Variants in SMAD3 observed in about 807,000 individuals in gnomAD.
SMAD3 encodes MAD homolog 3.
Under a neutral mutation model 51.8 loss-of-function variants are expected in SMAD3, and 12 were observed. The ratio of observed to expected loss-of-function variants is 0.23; its 90% CI spans 0.15 to 0.38. The LOEUF (loss-of-function observed/expected upper bound fraction) is 0.38. Among genes scored for constraint, SMAD3 ranks in the 10% least tolerant of loss-of-function variants. The pLI is 1.00. For synonymous variants in SMAD3, 238 were observed against 227.7 expected, an observed-to-expected ratio of 1.05 and a Z score of -0.41; for missense variants, 294 against 565.6, an observed-to-expected ratio of 0.52 and a Z score of 4.87.
At chr15:67,077,493 A>G (rs1960196243) in intron 1 of SMAD3, among the ~76,000 whole-genome samples, 2 of 152,194 alleles carry the variant, frequency 1.3e-5, no homozygotes, top group Admixed American at 1.3e-4. Flanking sequence ...TTTGCTGGAA[A>G]TCTTTATTAA....
intron 1 of SMAD3, among the ~76,000 whole-genome samples, chr15:67,129,156 T>A (rs1414535020): frequency 6.6e-6 from 1 of 152,218 alleles, no homozygotes; most frequent in African/African-American, 2.4e-5. Flanking sequence ...GGAAGTGATG[T>A]GCACTTAGCA....
chr15:67,067,513 A>G (rs1184614416), intron 1 of SMAD3, among the ~76,000 whole-genome samples: 1 of 152,130 alleles, frequency 6.6e-6, no homozygotes, highest in Admixed American at 6.5e-5. Context: ...AGCACCAGGG[A>G]CTGTCAGCCG....
intron 4 of SMAD3, among the ~76,000 whole-genome samples, chr15:67,168,359 A>C (rs981439021): frequency 3.3e-5 from 5 of 152,180 alleles, no homozygotes; most frequent in East Asian, 1.9e-4. Context: ...AAACACACCC[A>C]CCCGGCGGAG....
At chr15:67,141,954 A>T (rs931266071) in intron 1 of SMAD3, among the ~76,000 whole-genome samples, 1 of 152,112 alleles carries the variant, frequency 6.6e-6, no homozygotes, top group African/African-American at 2.4e-5. Flanking sequence ...GGTGTCATTC[A>T]TGTTTTCCAT....
chr15:67,069,034 C>T (rs1001458297), intron 1 of SMAD3, among the ~76,000 whole-genome samples: 1 of 152,134 alleles, frequency 6.6e-6, no homozygotes, highest in Non-Finnish European at 1.5e-5. Context: ...GTTTAAGGAG[C>T]CCTCAGTCTA....
chr15:67,070,586 G>T (rs142240434), intron 1 of SMAD3, among the ~76,000 whole-genome samples: 4 of 151,744 alleles, frequency 2.6e-5, no homozygotes, highest in African/African-American at 9.7e-5. Flanking sequence ...TTACACATCA[G>T]TAAGGGAAAC....
chr15:67,166,614 G>T (rs935865006), intron 3 of SMAD3, 165 bp from the exon 4 acceptor site: 8 of 685,304 alleles, frequency 1.2e-5, no homozygotes, highest in Non-Finnish European at 1.9e-5. Context: ...GTGGACAGGG[G>T]CGAGGACAAC....
chr15:67,134,846 A>G lies in SMAD3; in HGVS notation c.207-30049A>G, dbSNP rs560371559. Among the ~76,000 whole-genome samples, 7 of 152,142 alleles carry G rather than the reference A, an allele frequency of 4.6e-5. No individual in the cohort carries two copies. In the East Asian group the frequency reaches 1.3e-3, roughly 29 times the overall value. On this transcript the variant is annotated intron_variant, in intron 1 of 8. Coordinates refer to ENST00000327367, the MANE Select transcript of SMAD3 (RefSeq NM_005902.4). ...CTTTATGTGTGCTGTTGCCCCTCAC[A>G]CTCACGGCAGAGGTGAGACAGAATG...
Position 67,192,104 on chromosome 15 carries a change from A to G in SMAD3, c.*1568A>G, listed in dbSNP as rs948465931. ...AGCAGGAAAAATCAAGGGATTTCCT[A>G]TGGAAGTCCTGCTTTATTCCAGGTG... On this transcript the variant is annotated 3_prime_UTR_variant, in exon 9 of 9. Coordinates refer to ENST00000327367, the MANE Select transcript of SMAD3 (RefSeq NM_005902.4). 8.6e-6 allele frequency: 2 copies of G among 232,434 alleles called. No individual in the cohort carries two copies. The highest frequency in any genetic ancestry group is 6.0e-5 in the East Asian group (1 of 16,540). 14.4% of individuals were successfully genotyped at this position (232,434 alleles called of 1,614,324 possible).
At chr15:67,155,647 A>G (rs1316649467) in intron 1 of SMAD3, among the ~76,000 whole-genome samples, 8 of 152,120 alleles carry the variant, frequency 5.3e-5, no homozygotes, top group Admixed American at 3.9e-4. Flanking sequence ...TTTTATTTTG[A>G]ACCAGAAAAA....
intron 1 of SMAD3, chr15:67,142,639 G>C: frequency 3.6e-6 from 1 of 279,092 alleles, no homozygotes; most frequent in South Asian, 3.0e-5. Flanking sequence ...TGGACATCTG[G>C]TTTGTTTTGG....
intron 8 of SMAD3, among the ~76,000 whole-genome samples, chr15:67,189,931 C>T (rs1053413949): frequency 7.9e-5 from 12 of 151,972 alleles, no homozygotes; most frequent in African/African-American, 2.4e-4. Context: ...ACACTGTTGG[C>T]GCTTTGTAAA....
intron 1 of SMAD3, among the ~76,000 whole-genome samples, chr15:67,108,347 C>T (rs1434833138): frequency 6.6e-6 from 1 of 152,136 alleles, no homozygotes; most frequent in Non-Finnish European, 1.5e-5. Context: ...AGAATCCCCA[C>T]TCTGATGATA....
chr15:67,082,853 CA>C (rs1349067980), intron 1 of SMAD3, among the ~76,000 whole-genome samples: 1 of 152,158 alleles, frequency 6.6e-6, no homozygotes, highest in African/African-American at 2.4e-5. Context: ...GGGAACATCT[CA>C]GAGTTAATTA....
intron 5 of SMAD3, among the ~76,000 whole-genome samples, chr15:67,177,000 G>T (rs916319626): frequency 6.6e-6 from 1 of 152,210 alleles, no homozygotes; most frequent in Non-Finnish European, 1.5e-5. Flanking sequence ...CTTACCCCCC[G>T]TAGTCATTCT....
chr15:67,067,068 C>T (rs1257664424), intron 1 of SMAD3, among the ~76,000 whole-genome samples: 1 of 151,948 alleles, frequency 6.6e-6, no homozygotes, highest in Non-Finnish European at 1.5e-5. Flanking sequence ...CACCTCCCAC[C>T]CCCCCATCCC....
intron 6 of SMAD3, among the ~76,000 whole-genome samples, chr15:67,182,626 A>G (rs1205404422): frequency 6.6e-6 from 1 of 152,008 alleles, no homozygotes. Flanking sequence ...GAAGAGAAGA[A>G]AAGTTTGGAG....
At chr15:67,157,894 A>G (rs1164223991) in intron 1 of SMAD3, among the ~76,000 whole-genome samples, 1 of 152,198 alleles carries the variant, frequency 6.6e-6, no homozygotes, top group Non-Finnish European at 1.5e-5. Context: ...AGGGAAGAAT[A>G]TATTTAAGGA....
chr15:67,083,168 G>A (rs995163567), intron 1 of SMAD3, among the ~76,000 whole-genome samples: 1 of 152,236 alleles, frequency 6.6e-6, no homozygotes. Flanking sequence ...GTGCGAGGCT[G>A]GTTCTGTTTG....
Sources: gnomAD v4.1 joint callset for allele counts (sites outside exome capture counted in the v4.1 genomes callset) on GRCh38, gnomAD v4.1.1 for gene constraint, MANE v1.5 for transcripts, NCBI Gene and HGNC (gene_info 2026-07-23, HGNC 2026-07-21) for gene names.